The following MYO15B variants were observed in gnomAD, a reference collection of about 807,000 sequenced individuals.
MYO15B encodes myosin XVB pseudogene.
In MYO15B, 207 loss-of-function variants were observed where a neutral mutation model predicts 119.3. That is an observed-to-expected ratio of 1.73 (90% CI 1.55 to 1.95). The LOEUF is 1.95. Ranked by LOEUF, MYO15B falls within the 30% of genes most tolerant of loss-of-function variation. The pLI is 0.00. For missense variants in MYO15B, 2,264 were observed against 1,203.1 expected (o/e 1.88, Z -13.04); for synonymous variants, 966 against 498.9 (o/e 1.94, Z -12.48).
chr17:75,592,857 G>A lies in MYO15B; in HGVS notation c.2991+17G>A. ...TCCTCAGAGGTGGGCTTCCCCGTGG[G>A]CAGGGGCCATCTGGGGTGCTGGGTC... On this transcript the variant is annotated intron_variant, in intron 9 of 63. Coordinates refer to ENST00000645453, the Ensembl canonical transcript of MYO15B. 1 of 698,532 alleles carries A rather than the reference G, an allele frequency of 1.4e-6. No homozygotes were observed. Among genetic ancestry groups the A allele is most frequent in the South Asian group, 1.5e-5 (1 of 67,090 alleles). 43.3% of individuals were successfully genotyped at this position (698,532 alleles called of 1,614,324 possible).
At chr17:75,594,376 G>C in intron 9 of MYO15B, 99 bp from the exon 10 acceptor site, 1 of 559,318 alleles carries the variant, frequency 1.8e-6, no homozygotes, top group Non-Finnish European at 3.2e-6. Flanking sequence ...CTCCCCTTTG[G>C]TGACAGGGCC....
intron 60 of MYO15B, 123 bp downstream of exon 60, chr17:75,625,361 C>T (rs2058978698): frequency 6.2e-6 from 4 of 641,230 alleles, no homozygotes; most frequent in Admixed American, 4.5e-5. Flanking sequence ...GAACATCTGT[C>T]CTCTCCACCC....
In MYO15B at chr17:75,616,197, C is replaced by G. The variant is rs1253548769; in HGVS notation, c.6109+50C>G. Reference sequence around the variant, plus strand: ...CCGTGCAGAAACATGGCCAGTGCCCCTGGCCCGGGCCAGGGAGGGTGGGGT... The same window carrying G: ...CCGTGCAGAAACATGGCCAGTGCCCGTGGCCCGGGCCAGGGAGGGTGGGGT... On this transcript the variant is annotated intron_variant, in intron 37 of 63. Coordinates refer to ENST00000645453, the Ensembl canonical transcript of MYO15B. The G allele has an allele frequency of 5.2e-6, 3 of 572,722 alleles. No individual in the cohort carries two copies. In the African/African-American group the frequency reaches 5.6e-5, roughly 11 times the overall value. The allele number at this position is 572,722 out of a possible 1,614,324, so 35.5% of individuals were successfully genotyped here. A position where few individuals can be genotyped will look rare whatever the true frequency, so the allele number is the denominator to read the frequency against.
intron 14 of MYO15B, among the ~76,000 whole-genome samples, chr17:75,597,986 G>A (rs969123494): frequency 1.3e-5 from 2 of 152,028 alleles, no homozygotes; most frequent in Admixed American, 6.6e-5. Context: ...GTGCGGCTCC[G>A]TGGGTGGGCG....
In MYO15B at chr17:75,600,904, ATT is replaced by A. The variant is rs540929270; in HGVS notation, c.3526-518_3526-517del. ...CCTAGCCCCACCCAGCTAATTTTTA[ATT>A]TTTTTTTTTTTTTTTGAGATGGAGT... On this transcript the variant is annotated intron_variant, in intron 14 of 63. Transcript: ENST00000645453. 6.4e-3 allele frequency among the ~76,000 whole-genome samples: 731 copies of A among 113,508 alleles called. 4 individuals carry two copies. The highest frequency in any genetic ancestry group is 0.011 in the Middle Eastern group (2 of 178). 74.5% of individuals were successfully genotyped at this position (113,508 alleles called of 152,430 possible). A position where few individuals can be genotyped will look rare whatever the true frequency, so the allele number is the denominator to read the frequency against.
At chr17:75,625,877 C>CCGT (rs1362357428) in exon 62 of MYO15B, 4 of 703,012 alleles carry the variant, frequency 5.7e-6, no homozygotes, top group East Asian at 2.7e-5. Context: ...TTCGGCTACA[C>CCGT]CGTCTATGGG....
intron 59 of MYO15B, 97 bp from the exon 60 acceptor site, chr17:75,625,026 G>T (rs2058947162): frequency 3.0e-6 from 2 of 659,188 alleles, no homozygotes; most frequent in Non-Finnish European, 5.6e-6. Flanking sequence ...GGTGGCTGGG[G>T]GGTGACAGTG....
intron 23 of MYO15B, 136 bp downstream of exon 23, chr17:75,611,095 C>T: frequency 3.0e-6 from 2 of 661,992 alleles, no homozygotes; most frequent in Non-Finnish European, 5.6e-6. Context: ...GAGAAGAGGA[C>T]CGGGGTGCTC....
At chr17:75,605,047 G>C (rs1325376721) in intron 19 of MYO15B, among the ~76,000 whole-genome samples, 1 of 152,120 alleles carries the variant, frequency 6.6e-6, no homozygotes, top group African/African-American at 2.4e-5. Context: ...TGAGGCAAGA[G>C]GATCACTTGA....
Position 75,616,246 on chromosome 17 carries a change from G to A in MYO15B, c.6110-66G>A, listed in dbSNP as rs146491037. The A allele has an allele frequency of 3.9e-3, 2,310 of 591,880 alleles. 35 individuals carry two copies. The highest frequency in any genetic ancestry group is 0.039 in the African/African-American group (2,075 of 53,844). 36.7% of individuals were successfully genotyped at this position (591,880 alleles called of 1,614,324 possible). A position where few individuals can be genotyped will look rare whatever the true frequency, so the allele number is the denominator to read the frequency against. On this transcript the variant is annotated intron_variant, in intron 37 of 63. Coordinates refer to ENST00000645453, the Ensembl canonical transcript of MYO15B. ...GTGTGCTCTGCTCCCCGGAGTTGGT[G>A]CGGCCCATCCAGGAGCCCAGCTGGG...
At chr17:75,595,710 A>G (rs2056813135) in intron 12 of MYO15B, among the ~76,000 whole-genome samples, 1 of 152,196 alleles carries the variant, frequency 6.6e-6, no homozygotes, top group Admixed American at 6.5e-5. Flanking sequence ...AGGCAGTGGA[A>G]GACAGAGGCC....
intron 47 of MYO15B, 66 bp from the exon 48 acceptor site, chr17:75,620,180 T>TGGGCAGGC (rs1186267391): frequency 7.1e-6 from 5 of 699,592 alleles, no homozygotes; most frequent in Non-Finnish European, 1.3e-5. Context: ...GGGGAGCAGG[T>TGGGCAGGC]GGGCAGGCAG....
At chr17:75,616,253 A>G in intron 37 of MYO15B, 59 bp from the exon 38 acceptor site, 1 of 593,016 alleles carries the variant, frequency 1.7e-6, no homozygotes, top group Non-Finnish European at 3.0e-6. Context: ...GGTGCGGCCC[A>G]TCCAGGAGCC....
rs1028820484 is a variant in MYO15B, at chr17:75,602,627, T to G, written c.3729+33T>G. On this transcript the variant is annotated intron_variant, in intron 16 of 63. Transcript: ENST00000645453. Reference sequence around the variant, plus strand: ...TCTGCCCTTCCAGGCCCCCACCCGCTCCATACTCTGTCCCCCAATTCTGTC... The same window carrying G: ...TCTGCCCTTCCAGGCCCCCACCCGCGCCATACTCTGTCCCCCAATTCTGTC... The G allele has an allele frequency of 3.9e-5, 25 of 640,050 alleles. No individual in the cohort carries two copies. The African/African-American group carries it at 4.0e-4, about 10-fold the overall frequency. The allele number at this position is 640,050 out of a possible 1,614,324, so 39.6% of individuals were successfully genotyped here. A position where few individuals can be genotyped will look rare whatever the true frequency, so the allele number is the denominator to read the frequency against.
chr17:75,610,587 G>A (rs924769187), intron 22 of MYO15B: 4 of 528,168 alleles, frequency 7.6e-6, no homozygotes, highest in South Asian at 2.8e-5. Flanking sequence ...TCTATAAAGC[G>A]ACTCAAAGGT....
rs1440526871 is a variant in MYO15B, at chr17:75,614,702, C to G, written c.5482+19C>G. ...CACACAGGTAAGGCTGGAGTGGGCA[C>G]ATGGAGGTTGGCAGAGCATGGGAAG... On this transcript the variant is annotated intron_variant, in intron 31 of 63. Transcript: ENST00000645453. 1 of 702,424 alleles carries G rather than the reference C, an allele frequency of 1.4e-6. No individual in the cohort carries two copies. The highest frequency in any genetic ancestry group is 2.6e-6 in the Non-Finnish European group (1 of 384,916). The allele number at this position is 702,424 out of a possible 1,614,324, so 43.5% of individuals were successfully genotyped here.
chr17:75,588,353 G>A (rs972587812), exon 1 of MYO15B: 3 of 398,462 alleles, frequency 7.5e-6, no homozygotes, highest in Non-Finnish European at 8.8e-6. Context: ...CAGCGTCAGG[G>A]ACGCGGGCCC....
chr17:75,591,018 T>C lies in MYO15B; in HGVS notation c.2360+2T>C, dbSNP rs1158267617. ...CAGGAAGGCCCTCAGCACCACTCCG[T>C]ATGTGACTCTGCCCCACTGACCCTC... On this transcript the variant is annotated splice_donor_variant, in intron 3 of 63. Coordinates refer to ENST00000645453, the Ensembl canonical transcript of MYO15B. LOFTEE classifies it high-confidence loss of function. The C allele has an allele frequency of 3.2e-6, 2 of 633,314 alleles. No homozygotes were observed. The highest frequency in any genetic ancestry group is 2.3e-5 in the Admixed American group (1 of 42,838). 39.2% of individuals were successfully genotyped at this position (633,314 alleles called of 1,614,324 possible).
Position 75,613,602 on chromosome 17 carries a change from CCT to C in MYO15B, c.5147-100_5147-99del, listed in dbSNP as rs1018949334. 77 of 656,452 alleles carry C rather than the reference CCT, an allele frequency of 1.2e-4. No homozygotes were observed. The Middle Eastern group carries it at 1.2e-3, about 10-fold the overall frequency. The allele number at this position is 656,452 out of a possible 1,614,324, so 40.7% of individuals were successfully genotyped here. A position where few individuals can be genotyped will look rare whatever the true frequency, so the allele number is the denominator to read the frequency against. On this transcript the variant is annotated intron_variant, in intron 28 of 63. Transcript: ENST00000645453. ...TCCTCAGTGACCCTGATCCCCCTCC[CCT>C]CTGTCCTGCTTTTGAAACTCTCATG... is the stretch of plus-strand genomic sequence containing the variant.
Sources: gnomAD v4.1 joint callset for allele counts (sites outside exome capture counted in the v4.1 genomes callset) on GRCh38, gnomAD v4.1.1 for gene constraint, MANE v1.5 for transcripts, NCBI Gene and HGNC (gene_info 2026-07-23, HGNC 2026-07-21) for gene names.